The following HOOK2 variants were observed in gnomAD, a reference collection of about 807,000 sequenced individuals.
The protein encoded by HOOK2 is hook microtubule tethering protein 2, also known as protein Hook homolog 2.
A neutral mutation model predicts 111.9 loss-of-function variants in HOOK2; 108 were observed. The observed-to-expected ratio is 0.96, with a 90% CI of 0.83 to 1.13. The LOEUF is 1.13. Among genes scored for constraint, HOOK2 ranks in the 50% most tolerant of loss-of-function variants. The pLI, the probability that HOOK2 is intolerant of heterozygous loss-of-function variation, is 0.00. For missense variants in HOOK2, 978 were observed against 951.3 expected, an observed-to-expected ratio of 1.03 and a Z score of -0.37; for synonymous variants, 405 against 394.3, an observed-to-expected ratio of 1.03 and a Z score of -0.32.
chr19:12,779,885 C>T (rs1006084247), upstream of HOOK2, among the ~76,000 whole-genome samples: 8 of 152,122 alleles, frequency 5.3e-5, no homozygotes, highest in South Asian at 2.1e-4. Context: ...CTTGGTGGCT[C>T]GCGCCAGTAA....
Position 12,772,984 on chromosome 19 carries a change from A to C in HOOK2, c.255+10T>G. On this transcript the variant is annotated intron_variant, in intron 4 of 22. Coordinates refer to ENST00000397668, the MANE Select transcript of HOOK2 (RefSeq NM_013312.3). ...AACTCAACCCCCTGAATCCCTTTAC[A>C]GTTACTCACATCCTGGGAGTACTCT... The C allele has an allele frequency of 3.1e-6, 5 of 1,614,150 alleles. No individual in the cohort carries two copies. The highest frequency in any genetic ancestry group is 4.2e-6 in the Non-Finnish European group (5 of 1,180,016).
chr19:12,768,172 G>A, intron 11 of HOOK2, 49 bp from the exon 12 acceptor site: 3 of 1,496,930 alleles, frequency 2.0e-6, no homozygotes, highest in Non-Finnish European at 2.8e-6. Flanking sequence ...GGGAGCAGGG[G>A]CAGGGGCTGA....
intron 14 of HOOK2, among the ~76,000 whole-genome samples, chr19:12,766,957 G>A (rs868667451): frequency 6.6e-6 from 1 of 152,094 alleles, no homozygotes; most frequent in Admixed American, 6.6e-5. Flanking sequence ...TCAAACTCCT[G>A]GGCTCAAGTG....
chr19:12,771,727 C>T lies in HOOK2; in HGVS notation c.520-250G>A, dbSNP rs182405398. ...GCGAACCCCTTCTCTACTAAAAACACAAAAATTAGCCGGGTGTGGTGGCGT... is the reference window on the plus strand; with the variant it reads ...GCGAACCCCTTCTCTACTAAAAACATAAAAATTAGCCGGGTGTGGTGGCGT... On this transcript the variant is annotated intron_variant, in intron 7 of 22. Coordinates refer to ENST00000397668, the MANE Select transcript of HOOK2 (RefSeq NM_013312.3). The T allele has an allele frequency of 2.0e-3, 1,024 of 502,234 alleles. 8 individuals carry two copies. Among genetic ancestry groups the T allele is most frequent in the Non-Finnish European group, 1.5e-3 (409 of 275,988 alleles). 31.1% of individuals were successfully genotyped at this position (502,234 alleles called of 1,614,324 possible). A position where few individuals can be genotyped will look rare whatever the true frequency, so the allele number is the denominator to read the frequency against.
In HOOK2 at chr19:12,771,266, C is replaced by T; in HGVS notation, c.654G>A (p.Leu218=). ...CTTCAGGCCGGCCCATCCGCTCCCG[C>T]AGCCCTGCATTCTCTTGCGCCAGGC... is the stretch of plus-strand genomic sequence containing the variant. The part of the protein sequence containing the change: ...KQSLAQENAG[L]RERMGRPEGE... Residue 218 remains leucine, a synonymous_variant, in exon 9 of 23, where the codon CTG becomes CTA. Coordinates refer to ENST00000397668, the MANE Select transcript of HOOK2 (RefSeq NM_013312.3). 1 of 1,605,930 alleles carries T rather than the reference C, an allele frequency of 6.2e-7. No homozygotes were observed. Among genetic ancestry groups the T allele is most frequent in the South Asian group, 1.1e-5 (1 of 89,688 alleles).
Position 12,773,985 on chromosome 19 carries a change from A to T in HOOK2, c.204+684T>A, listed in dbSNP as rs74413468. 6.3e-3 allele frequency: 959 copies of T among 153,154 alleles called. 3 individuals carry two copies. The highest frequency in any genetic ancestry group is 0.011 in the Non-Finnish European group (734 of 68,656). 9.5% of individuals were successfully genotyped at this position (153,154 alleles called of 1,614,324 possible). On this transcript the variant is annotated intron_variant, in intron 3 of 22. Transcript: ENST00000397668. ...CCGTTCCCCCAAATTTCACTTGGAGATTAACCCATCTGATGTAATCAGCCA... is the reference window on the plus strand; with the variant it reads ...CCGTTCCCCCAAATTTCACTTGGAGTTTAACCCATCTGATGTAATCAGCCA...
At chr19:12,767,724 G>T in intron 13 of HOOK2, 92 bp downstream of exon 13, 1 of 1,233,566 alleles carries the variant, frequency 8.1e-7, no homozygotes, top group Non-Finnish European at 1.1e-6. Flanking sequence ...GCCTAGCTCT[G>T]TCCCCAACCT....
At chr19:12,780,617 A>G, upstream of HOOK2, among the ~76,000 whole-genome samples, 1 of 139,984 alleles carries the variant, frequency 7.1e-6, no homozygotes, top group Admixed American at 7.2e-5. Context: ...CGGCCTCCCA[A>G]AGTGCTGGAT....
rs747640339 is a variant in HOOK2 at position 12,772,610 on chromosome 19, C to T, written c.456+3G>A. ...CAATTGCACACTGAGTGCCCCCACC[C>T]ACCTCTTGGATGGCTTCCATCACCA... On this transcript the variant is annotated splice_donor_region_variant and intron_variant, in intron 6 of 22. Coordinates refer to ENST00000397668, the MANE Select transcript of HOOK2 (RefSeq NM_013312.3). 2 of 1,613,960 alleles carry T rather than the reference C, an allele frequency of 1.2e-6. No individual in the cohort carries two copies. Among genetic ancestry groups the T allele is most frequent in the Non-Finnish European group, 8.5e-7 (1 of 1,179,916 alleles).
In HOOK2 at chr19:12,766,139, G is replaced by A; in HGVS notation, c.1475C>T (p.Ala492Val). 1 of 1,601,372 alleles carries A rather than the reference G, an allele frequency of 6.2e-7. No individual in the cohort carries two copies. Reference protein sequence around the residue: ...QEELQRHLEDANRARHGLETQ... With the variant: ...QEELQRHLEDVNRARHGLETQ... ...CTCCAACCCGTGGCGCGCGCGGTTG[G>A]CATCCTCCAGGTGGCGCTGCAGCTC... Residue 492 changes from alanine to valine, a missense_variant, in exon 15 of 23, where the codon GCC (alanine) becomes GTC (valine). Ala to Val is a moderately conservative substitution (Grantham distance 64). This residue lies in a region of HOOK2 where 388 missense variants were observed against 358.3 expected (regional missense o/e 1.08). Coordinates refer to ENST00000397668, the MANE Select transcript of HOOK2 (RefSeq NM_013312.3).
At chr19:12,780,719 C>A (rs1268427589), upstream of HOOK2, among the ~76,000 whole-genome samples, 16 of 107,740 alleles carry the variant, frequency 1.5e-4, no homozygotes, top group South Asian at 3.4e-4. Context: ...TGGCTCACGC[C>A]TGTAATCCCA....
chr19:12,768,165 A>AGCAGGG, intron 11 of HOOK2, 42 bp from the exon 12 acceptor site: 1 of 1,541,996 alleles, frequency 6.5e-7, no homozygotes, highest in Non-Finnish European at 9.0e-7. Flanking sequence ...CAGGGCTGGG[A>AGCAGGG]GCAGGGGCAG....
rs562590171 is a variant in HOOK2 at position 12,765,966 on chromosome 19, C to T, written c.1560G>A (p.Leu520=). The change falls in exon 16 of 23, where the codon CTG becomes CTA. Residue 520 remains leucine, a synonymous_variant. Transcript: ENST00000397668. Reference sequence around the variant, plus strand: ...CCCCCTGCTCCTGCAGGGCTTTCTGCAGGTCCTCCACCTGGGCCCGCAGCT... The same window carrying T: ...CCCCCTGCTCCTGCAGGGCTTTCTGTAGGTCCTCCACCTGGGCCCGCAGCT... The part of the protein sequence containing the change: ...LSELRAQVED[L]QKALQEQGGK... 8.5e-5 allele frequency: 137 copies of T among 1,614,100 alleles called. 1 individual carries two copies. In the South Asian group the frequency reaches 1.5e-3, roughly 17 times the overall value.
chr19:12,764,805 C>A lies in HOOK2; in HGVS notation c.1827+9G>T, dbSNP rs762450824. The stretch of plus-strand genomic sequence containing the variant: ...GCAGGCAACTTGTGGGAACACCCAG[C>A]GTCCTCACCATGCGGGCCTTGTCCA... On this transcript the variant is annotated intron_variant, in intron 20 of 22. Transcript: ENST00000397668. The A allele has an allele frequency of 1.2e-6, 2 of 1,609,034 alleles. No homozygotes were observed. Among genetic ancestry groups the A allele is most frequent in the South Asian group, 1.1e-5 (1 of 90,916 alleles).
intron 3 of HOOK2, chr19:12,773,864 T>C (rs747968332): frequency 6.5e-6 from 1 of 153,050 alleles, no homozygotes; most frequent in Non-Finnish European, 1.5e-5. Context: ...AATCTTGCCC[T>C]CTTGCTCTGT....
In HOOK2 at chr19:12,775,405, C is replaced by G. The variant is rs1296212956; in HGVS notation, c.45G>C (p.Trp15Cys). 7 of 1,612,254 alleles carry G rather than the reference C, an allele frequency of 4.3e-6. No homozygotes were observed. In the East Asian group the frequency reaches 1.1e-4, roughly 26 times the overall value. The stretch of plus-strand genomic sequence containing the variant: ...CCCCTAGCCCCGCCCCACGACCTAC[C>G]CAGGTGAGCAGAGACCCGCATAGCT... ...KAELCGSLLT[W>C]LQTFHVPSPC... The change falls in exon 1 of 23, where the codon TGG (tryptophan) becomes TGC (cysteine). Residue 15 changes from tryptophan to cysteine, a missense_variant and splice_region_variant. By Grantham distance (215) the Trp-to-Cys change is radical. Coordinates refer to ENST00000397668, the MANE Select transcript of HOOK2 (RefSeq NM_013312.3).
intron 13 of HOOK2, 51 bp downstream of exon 13, chr19:12,767,765 C>A: frequency 6.5e-7 from 1 of 1,530,056 alleles, no homozygotes; most frequent in Non-Finnish European, 8.9e-7. Flanking sequence ...CCTGTTCTAC[C>A]CAAACAGTAC....
In HOOK2 at chr19:12,786,037, A is replaced by G. The variant is rs1599520627; in HGVS notation, n.42-11812T>C. On this transcript the variant is annotated intron_variant and non_coding_transcript_variant, in intron 3 of 3. Transcript: ENST00000589765. The surrounding 1 kb of genome is among the most constrained non-coding windows in gnomAD (Gnocchi z 4.3). ...TCCTGAGAAACTCCCCTCATGCCCA[A>G]CCATGTCAGCCTGGAGAGAGAGAAA... Among the ~76,000 whole-genome samples, 5 of 152,040 alleles carry G rather than the reference A, an allele frequency of 3.3e-5. 2 individuals carry two copies. Among genetic ancestry groups the G allele is most frequent in the Admixed American group, 2.6e-4 (4 of 15,272 alleles).
chr19:12,767,586 G>A, intron 13 of HOOK2, 122 bp from the exon 14 acceptor site: 1 of 949,854 alleles, frequency 1.1e-6, no homozygotes, highest in Non-Finnish European at 1.6e-6. Flanking sequence ...CTTGACACAA[G>A]CTCCATCCCC....
Sources: allele counts gnomAD v4.1 joint callset (sites outside exome capture counted in the v4.1 genomes callset), GRCh38; gene constraint gnomAD v4.1.1; regional missense constraint gnomAD v4.1.1; non-coding constraint Gnocchi (gnomAD v3.1); transcripts MANE v1.5; gene names NCBI Gene and HGNC (gene_info 2026-07-23, HGNC 2026-07-21).